Variants in ARHGAP15 observed in about 807,000 individuals in gnomAD.
The protein encoded by ARHGAP15 is rho GTPase-activating protein 15.
ARHGAP15 carries 51 observed loss-of-function variants against 63.7 expected under a neutral mutation model. The observed-to-expected ratio is 0.80, with a 90% CI of 0.64 to 1.01. The LOEUF is 1.01. Among genes scored for constraint, ARHGAP15 ranks in the 50% least tolerant of loss-of-function variants. ARHGAP15 has a pLI of 0.00. For missense variants in ARHGAP15, 560 were observed against 564.6 expected, an observed-to-expected ratio of 0.99 and a Z score of 0.08; for synonymous variants, 191 against 193.8, an observed-to-expected ratio of 0.99 and a Z score of 0.12.
intron 6 of ARHGAP15, among the ~76,000 whole-genome samples, chr2:143,408,981 G>T (rs1688329332): frequency 6.6e-6 from 1 of 151,784 alleles, no homozygotes; most frequent in Non-Finnish European, 1.5e-5. Context: ...GGATTGAAGG[G>T]TGTATCTTAC....
chr2:143,352,310 C>T (rs1574320103), intron 6 of ARHGAP15, among the ~76,000 whole-genome samples: 2 of 152,072 alleles, frequency 1.3e-5, no homozygotes, highest in East Asian at 3.8e-4. Context: ...GAAGCTACTA[C>T]CAGAAAATTA....
intron 12 of ARHGAP15, among the ~76,000 whole-genome samples, chr2:143,651,191 T>C (rs1043352852): frequency 6.6e-6 from 1 of 151,944 alleles, no homozygotes; most frequent in African/African-American, 2.4e-5. Context: ...AATACAAAGG[T>C]AAAATTGTTC....
intron 11 of ARHGAP15, among the ~76,000 whole-genome samples, chr2:143,566,339 A>G (rs575566037): frequency 7.2e-5 from 11 of 152,164 alleles, no homozygotes; most frequent in South Asian, 2.1e-4. Flanking sequence ...ATAAAATAAG[A>G]TTTTGGCTTT....
At chr2:143,694,836 T>C (rs768874637) in intron 12 of ARHGAP15, among the ~76,000 whole-genome samples, 1 of 152,250 alleles carries the variant, frequency 6.6e-6, no homozygotes, top group Non-Finnish European at 1.5e-5. Flanking sequence ...TAAAGTTTAA[T>C]ATGCCTTCTT....
intron 2 of ARHGAP15, among the ~76,000 whole-genome samples, chr2:143,165,450 C>T (rs1690462951): frequency 6.6e-6 from 1 of 152,050 alleles, no homozygotes; most frequent in Non-Finnish European, 1.5e-5. Flanking sequence ...TAGATCATAT[C>T]ATGTAGCACA....
At chr2:143,425,680 T>C (rs1367273629) in intron 6 of ARHGAP15, among the ~76,000 whole-genome samples, 1 of 152,098 alleles carries the variant, frequency 6.6e-6, no homozygotes, top group African/African-American at 2.4e-5. Context: ...TTCAACATTT[T>C]CAATTTATTT....
intron 2 of ARHGAP15, among the ~76,000 whole-genome samples, chr2:143,156,298 C>T (rs1230416307): frequency 1.3e-5 from 2 of 151,866 alleles, no homozygotes; most frequent in African/African-American, 4.8e-5. Context: ...CCACTGATTG[C>T]GATGAGTCTC....
intron 6 of ARHGAP15, among the ~76,000 whole-genome samples, chr2:143,311,922 C>T (rs567878463): frequency 2.6e-5 from 4 of 152,232 alleles, no homozygotes; most frequent in East Asian, 3.9e-4. Context: ...AATGGCAATG[C>T]GCCTCAAGAA....
At chr2:143,503,135 A>C (rs1693149524) in intron 9 of ARHGAP15, among the ~76,000 whole-genome samples, 1 of 152,274 alleles carries the variant, frequency 6.6e-6, no homozygotes, top group Non-Finnish European at 1.5e-5. Context: ...AATCCTAGAC[A>C]CAAAGAACAT....
At chr2:143,399,674 T>G (rs907383188) in intron 6 of ARHGAP15, among the ~76,000 whole-genome samples, 2 of 151,818 alleles carry the variant, frequency 1.3e-5, no homozygotes, top group Admixed American at 1.3e-4. Context: ...CTTAAAAAGG[T>G]TAAGAGACTT....
At chr2:143,704,366 G>A (rs981087609) in intron 13 of ARHGAP15, among the ~76,000 whole-genome samples, 5 of 152,176 alleles carry the variant, frequency 3.3e-5, no homozygotes, top group African/African-American at 1.2e-4. Context: ...GGCTTGAGTG[G>A]AGCCCTCAGA....
At chr2:143,469,487 G>A (rs1323252866) in intron 8 of ARHGAP15, among the ~76,000 whole-genome samples, 2 of 152,132 alleles carry the variant, frequency 1.3e-5, no homozygotes, top group African/African-American at 4.8e-5. Flanking sequence ...CTGTAGCAAT[G>A]CCCCACACGC....
At chr2:143,531,092 T>C (rs1209262488) in intron 10 of ARHGAP15, among the ~76,000 whole-genome samples, 1 of 139,158 alleles carries the variant, frequency 7.2e-6, no homozygotes, top group Non-Finnish European at 1.6e-5. Context: ...TTTGGCATAT[T>C]GCCTGGGTTG....
At position 143,202,308 on chromosome 2, in the gene ARHGAP15, T is replaced by C. The variant is rs1692152894; in HGVS notation, c.234+106T>C. ...AGTTATTATCTCATTTTTCTGTGGG[T>C]CAGGAATCAGGGCACCACTTAGTAG... On this transcript the variant is annotated intron_variant, in intron 3 of 13. Transcript: ENST00000295095. The C allele has an allele frequency of 4.5e-6, 4 of 890,086 alleles. No individual in the cohort carries two copies. The African/African-American group carries it at 5.0e-5, about 11-fold the overall frequency. 55.1% of individuals were successfully genotyped at this position (890,086 alleles called of 1,614,324 possible).
At chr2:143,491,926 G>A (rs1692598762) in intron 9 of ARHGAP15, among the ~76,000 whole-genome samples, 1 of 151,992 alleles carries the variant, frequency 6.6e-6, no homozygotes. Context: ...CTGTCACCCA[G>A]GCTGGAGTGC....
At chr2:143,439,174 G>A (rs1689747317) in intron 8 of ARHGAP15, among the ~76,000 whole-genome samples, 1 of 151,990 alleles carries the variant, frequency 6.6e-6, no homozygotes, top group African/African-American at 2.4e-5. Flanking sequence ...TGTAATCCCA[G>A]CACTTTGGGA....
rs184023465 is a variant in ARHGAP15 at position 143,549,217 on chromosome 2, G to C, written c.926-7191G>C. On this transcript the variant is annotated intron_variant, in intron 10 of 13. Transcript: ENST00000295095. ...AAAGTTCTTTTTTATGAAAAACAAT[G>C]TAGGCCTCACATTCAAGTTGGCAGT... Among the ~76,000 whole-genome samples the C allele has an allele frequency of 2.4e-4, 37 of 152,152 alleles. No homozygotes were observed. In the East Asian group the frequency reaches 6.8e-3, roughly 28 times the overall value.
chr2:143,537,796 T>C (rs1220382787), intron 10 of ARHGAP15, among the ~76,000 whole-genome samples: 1 of 152,188 alleles, frequency 6.6e-6, no homozygotes, highest in Non-Finnish European at 1.5e-5. Flanking sequence ...GTAGTGTAGT[T>C]TGAAGTCAGG....
chr2:143,181,699 G>A (rs1335219294), intron 2 of ARHGAP15, among the ~76,000 whole-genome samples: 1 of 152,182 alleles, frequency 6.6e-6, no homozygotes, highest in Non-Finnish European at 1.5e-5. Flanking sequence ...TCAATTAGGT[G>A]TTAGCTCTTA....
Sources: gnomAD v4.1 joint callset for allele counts (sites outside exome capture counted in the v4.1 genomes callset) on GRCh38, gnomAD v4.1.1 for gene constraint, MANE v1.5 for transcripts, NCBI Gene and HGNC (gene_info 2026-07-23, HGNC 2026-07-21) for gene names.